The following NPAS3 variants were observed in gnomAD, a reference collection of about 807,000 sequenced individuals.
NPAS3 encodes the protein neuronal PAS domain-containing protein 3.
A neutral mutation model predicts 73.1 loss-of-function variants in NPAS3; 14 were observed. The ratio of observed to expected loss-of-function variants is 0.19; its 90% CI spans 0.13 to 0.30. The LOEUF (loss-of-function observed/expected upper bound fraction) is 0.30. Among genes scored for constraint, NPAS3 ranks in the 10% least tolerant of loss-of-function variants. The pLI, the probability that NPAS3 is intolerant of heterozygous loss-of-function variation, is 1.00. For missense variants in NPAS3, 1,096 were observed against 1,250.0 expected, an observed-to-expected ratio of 0.88 and a Z score of 1.86; for synonymous variants, 620 against 541.5, an observed-to-expected ratio of 1.14 and a Z score of -2.01.
chr14:33,398,786 T>C (rs888175642), intron 4 of NPAS3, among the ~76,000 whole-genome samples: 14 of 152,158 alleles, frequency 9.2e-5, no homozygotes, highest in African/African-American at 2.7e-4. Context: ...AAAATGCTGA[T>C]TGTTGATTTT....
intron 1 of NPAS3, among the ~76,000 whole-genome samples, chr14:32,994,626 G>GTTTTTTTTTTTTTTT: frequency 8.2e-6 from 1 of 121,496 alleles, no homozygotes; most frequent in Non-Finnish European, 1.7e-5. Flanking sequence ...TTGTTTGTTT[G>GTTTTTTTTTTTTTTT]TTTGTTTTTG....
At chr14:33,424,738 G>T (rs77185555) in intron 4 of NPAS3, among the ~76,000 whole-genome samples, 1 of 151,546 alleles carries the variant, frequency 6.6e-6, no homozygotes, top group Non-Finnish European at 1.5e-5. Flanking sequence ...GTGTTAGAAG[G>T]GGGTGGGAAT....
chr14:33,497,887 C>T lies in NPAS3; in HGVS notation c.469-62234C>T, dbSNP rs114029853. Among the ~76,000 whole-genome samples, 332 of 152,164 alleles carry T rather than the reference C, an allele frequency of 2.2e-3. 1 individual carries two copies. Among genetic ancestry groups the T allele is most frequent in the African/African-American group, 7.3e-3 (303 of 41,530 alleles). ...AAAGAGCTCTACACAGCAAACAAAA[C>T]GACCGTCAGAGTGAACAGGCAACCT... is the stretch of plus-strand genomic sequence containing the variant. On this transcript the variant is annotated intron_variant, in intron 4 of 11. Transcript: ENST00000356141.
intron 2 of NPAS3, among the ~76,000 whole-genome samples, chr14:33,085,460 C>A (rs551619863): frequency 6.6e-6 from 1 of 152,328 alleles, no homozygotes; most frequent in African/African-American, 2.4e-5. Context: ...ATTCATTGGT[C>A]ATTCTTAGAA....
chr14:32,999,526 A>T (rs2038726723), intron 1 of NPAS3, among the ~76,000 whole-genome samples: 2 of 152,126 alleles, frequency 1.3e-5, no homozygotes, highest in South Asian at 4.1e-4. Context: ...AAAAAAATAA[A>T]AGTTATATTC....
intron 4 of NPAS3, among the ~76,000 whole-genome samples, chr14:33,401,381 T>C (rs1383126532): frequency 6.6e-6 from 1 of 152,164 alleles, no homozygotes; most frequent in Non-Finnish European, 1.5e-5. Flanking sequence ...AGCCATCTTA[T>C]TTCCAGGACA....
intron 6 of NPAS3, among the ~76,000 whole-genome samples, chr14:33,676,782 G>C (rs1342053577): frequency 6.6e-6 from 1 of 152,212 alleles, no homozygotes; most frequent in Non-Finnish European, 1.5e-5. Flanking sequence ...AGAATTAAAA[G>C]TATCAGGGAC....
chr14:33,265,326 A>G (rs1270345767), intron 3 of NPAS3, among the ~76,000 whole-genome samples: 2 of 152,190 alleles, frequency 1.3e-5, no homozygotes, highest in African/African-American at 4.8e-5. Context: ...GGGCTTTGAC[A>G]TTACTTTTCA....
chr14:33,446,342 A>AT (rs1447089367), intron 4 of NPAS3, among the ~76,000 whole-genome samples: 1 of 146,882 alleles, frequency 6.8e-6, no homozygotes, highest in East Asian at 2.0e-4. Context: ...CGCCCGGCTA[A>AT]TTTTTTGTAT....
At chr14:33,181,917 TACAC>T (rs887837034) in intron 2 of NPAS3, among the ~76,000 whole-genome samples, 7 of 152,366 alleles carry the variant, frequency 4.6e-5, no homozygotes, top group East Asian at 3.9e-4. Context: ...TTTTGACAGA[TACAC>T]AGACAGTAAG....
At chr14:32,943,669 T>G (rs1409897860) in intron 1 of NPAS3, among the ~76,000 whole-genome samples, 1 of 150,238 alleles carries the variant, frequency 6.7e-6, no homozygotes, top group Non-Finnish European at 1.5e-5. Context: ...ATTTCTTTTT[T>G]GTTTCTTTAT....
intron 3 of NPAS3, among the ~76,000 whole-genome samples, chr14:33,279,602 C>G (rs944689280): frequency 1.3e-5 from 2 of 152,144 alleles, no homozygotes; most frequent in Non-Finnish European, 2.9e-5. Context: ...GAATCAGATT[C>G]TGCAATTTAA....
intron 4 of NPAS3, among the ~76,000 whole-genome samples, chr14:33,480,302 T>A (rs191136421): frequency 6.6e-6 from 1 of 152,288 alleles, no homozygotes; most frequent in East Asian, 1.9e-4. Context: ...TACTGATACG[T>A]AGATATACAA....
intron 2 of NPAS3, among the ~76,000 whole-genome samples, chr14:33,206,085 T>G (rs1280535172): frequency 6.6e-6 from 1 of 152,180 alleles, no homozygotes; most frequent in African/African-American, 2.4e-5. Flanking sequence ...AATTAAGTTT[T>G]CATAACAATT....
At chr14:32,993,011 C>A (rs10150757) in intron 1 of NPAS3, among the ~76,000 whole-genome samples, 94,740 of 151,696 alleles carry the variant, frequency 0.62, 30,814 homozygotes, top group East Asian at 0.82. Context: ...AAAAAATTAG[C>A]TGGGTGTGGT....
At chr14:33,233,984 A>G (rs996250547) in intron 3 of NPAS3, among the ~76,000 whole-genome samples, 5 of 152,160 alleles carry the variant, frequency 3.3e-5, no homozygotes, top group Non-Finnish European at 7.4e-5. Flanking sequence ...TTATAACCAG[A>G]TACAACTATG....
chr14:33,787,408 C>T (rs945059165), intron 9 of NPAS3, among the ~76,000 whole-genome samples: 1 of 152,056 alleles, frequency 6.6e-6, no homozygotes, highest in African/African-American at 2.4e-5. Context: ...AAAAAACCTC[C>T]CCTGAGGTTG....
In NPAS3 at chr14:33,247,541, C is replaced by T. The variant is rs367908247; in HGVS notation, c.385+32115C>T. 4.7e-4 allele frequency among the ~76,000 whole-genome samples: 71 copies of T among 152,232 alleles called. 1 individual carries two copies. In the Middle Eastern group the frequency reaches 0.024, roughly 51 times the overall value. ...CCTGGCGGTGCATGTGCAAGGACAG[C>T]GGGGCATTGTGCATTCGTGTAGGCT... On this transcript the variant is annotated intron_variant, in intron 3 of 11. Transcript: ENST00000356141.
At chr14:33,690,497 T>G (rs2060206565) in intron 6 of NPAS3, among the ~76,000 whole-genome samples, 1 of 152,116 alleles carries the variant, frequency 6.6e-6, no homozygotes, top group African/African-American at 2.4e-5. Context: ...AAAGGCTCTA[T>G]ATATCCCATT....
Sources: gnomAD v4.1 joint callset for allele counts (sites outside exome capture counted in the v4.1 genomes callset) on GRCh38, gnomAD v4.1.1 for gene constraint, MANE v1.5 for transcripts, NCBI Gene and HGNC (gene_info 2026-07-23, HGNC 2026-07-21) for gene names.